MCM9: variants seen among roughly 807,000 people sequenced by gnomAD.
MCM9 encodes DNA helicase MCM9.
A neutral mutation model predicts 72.8 loss-of-function variants in MCM9; 55 were observed. The ratio of observed to expected loss-of-function variants is 0.76; its 90% CI spans 0.61 to 0.95. The LOEUF (loss-of-function observed/expected upper bound fraction) is 0.95, where lower values mean the gene tolerates loss of function less well. Ranked by LOEUF, MCM9 falls within the 40% of genes least tolerant of loss-of-function variation. The pLI is 0.00. For missense variants in MCM9, 1,279 were observed against 1,377.0 expected, an observed-to-expected ratio of 0.93 and a Z score of 1.13; for synonymous variants, 480 against 503.4, an observed-to-expected ratio of 0.95 and a Z score of 0.62.
intron 9 of MCM9, among the ~76,000 whole-genome samples, chr6:118,843,667 T>C (rs368430364): frequency 0.15 from 2,065 of 14,200 alleles, 149 homozygotes; most frequent in Middle Eastern, 0.32. Flanking sequence ...TGTATATATA[T>C]ATGTATGTAT....
At chr6:118,848,019 A>G (rs1470514148) in intron 9 of MCM9, among the ~76,000 whole-genome samples, 1 of 151,926 alleles carries the variant, frequency 6.6e-6, no homozygotes, top group Admixed American at 6.5e-5. Context: ...ATTCAAGACA[A>G]TAATCAGGAG....
chr6:118,828,888 C>T (rs951520000), intron 10 of MCM9, 160 bp downstream of exon 10: 26 of 675,328 alleles, frequency 3.8e-5, no homozygotes, highest in South Asian at 3.6e-4. Flanking sequence ...TCTGAGGCCC[C>T]GTAAGTGGCT....
At chr6:118,905,858 C>A in intron 8 of MCM9, 1 of 1,492,604 alleles carries the variant, frequency 6.7e-7, no homozygotes, top group South Asian at 1.3e-5. Flanking sequence ...TTTTTAACTA[C>A]TTTTACTATG....
chr6:118,837,192 C>T (rs1032249631), intron 9 of MCM9, among the ~76,000 whole-genome samples: 1 of 152,170 alleles, frequency 6.6e-6, no homozygotes, highest in African/African-American at 2.4e-5. Context: ...GTTTCTTAAT[C>T]CTGAGTTCTA....
chr6:118,814,802 T>C lies in MCM9; in HGVS notation c.*22A>G. The C allele has an allele frequency of 2.0e-6, 3 of 1,477,174 alleles. No homozygotes were observed. Among genetic ancestry groups the C allele is most frequent in the Non-Finnish European group, 2.7e-6 (3 of 1,112,852 alleles). The allele number at this position is 1,477,174 out of a possible 1,614,324, so 91.5% of individuals were successfully genotyped here. On this transcript the variant is annotated 3_prime_UTR_variant, in exon 14 of 14. Transcript: ENST00000619706. Reference sequence around the variant, plus strand: ...TCTGTGGAGTTGAAGAAGGTGAGATTTGACCAGAAAGCTTTTCCCAACTAT... The same window carrying C: ...TCTGTGGAGTTGAAGAAGGTGAGATCTGACCAGAAAGCTTTTCCCAACTAT...
At chr6:118,837,625 C>A (rs983787124) in intron 9 of MCM9, among the ~76,000 whole-genome samples, 2 of 152,094 alleles carry the variant, frequency 1.3e-5, no homozygotes, top group African/African-American at 4.8e-5. Context: ...TTATGTAGTA[C>A]CCTTCTTTGC....
chr6:118,903,203 A>G (rs1417042317), intron 8 of MCM9, among the ~76,000 whole-genome samples: 1 of 152,198 alleles, frequency 6.6e-6, no homozygotes, highest in African/African-American at 2.4e-5. Flanking sequence ...GTACTGAACT[A>G]TTATATATTT....
intron 3 of MCM9, among the ~76,000 whole-genome samples, chr6:118,925,413 T>C (rs1043418287): frequency 6.6e-6 from 1 of 152,174 alleles, no homozygotes; most frequent in Non-Finnish European, 1.5e-5. Flanking sequence ...TCCTAGTTGA[T>C]ACATCTATTC....
At chr6:118,922,784 C>A (rs1005462893) in intron 4 of MCM9, among the ~76,000 whole-genome samples, 14 of 152,076 alleles carry the variant, frequency 9.2e-5, no homozygotes, top group African/African-American at 2.4e-4. Context: ...GTAATCCCAG[C>A]ACTTTGGGAG....
chr6:118,933,027 T>C (rs80146899), intron 1 of MCM9, among the ~76,000 whole-genome samples: 9 of 152,272 alleles, frequency 5.9e-5, no homozygotes, highest in Middle Eastern at 6.8e-3. Flanking sequence ...ATGAAAAGTA[T>C]AGTAAAAGGT....
chr6:118,856,873 C>T (rs1489164012), intron 8 of MCM9, among the ~76,000 whole-genome samples: 90 of 151,882 alleles, frequency 5.9e-4, no homozygotes, highest in Non-Finnish European at 1.5e-4. Context: ...AGAGCAAGAT[C>T]TTGTCTTAAA....
At chr6:118,914,503 G>A (rs2114278450) in intron 6 of MCM9, among the ~76,000 whole-genome samples, 1 of 152,224 alleles carries the variant, frequency 6.6e-6, no homozygotes, top group East Asian at 1.9e-4. Flanking sequence ...AAATGGTGAA[G>A]AAAGAAAATC....
chr6:118,859,542 C>G (rs1776776406), intron 8 of MCM9, among the ~76,000 whole-genome samples: 1 of 152,146 alleles, frequency 6.6e-6, no homozygotes, highest in Non-Finnish European at 1.5e-5. Flanking sequence ...AATTCATGAG[C>G]ATAAACTTTT....
chr6:118,925,096 A>G (rs1400918950), intron 3 of MCM9, among the ~76,000 whole-genome samples: 1 of 151,650 alleles, frequency 6.6e-6, no homozygotes, highest in Non-Finnish European at 1.5e-5. Context: ...AGAAAGAGAA[A>G]AAGAGGGGGA....
At chr6:118,854,642 T>C (rs370293722) in intron 9 of MCM9, among the ~76,000 whole-genome samples, 3 of 152,232 alleles carry the variant, frequency 2.0e-5, no homozygotes, top group African/African-American at 2.4e-5. Context: ...CGTGAGCCAT[T>C]GTGCCCAGCC....
At chr6:118,848,978 A>G (rs1209858142) in intron 9 of MCM9, among the ~76,000 whole-genome samples, 1 of 151,936 alleles carries the variant, frequency 6.6e-6, no homozygotes, top group African/African-American at 2.4e-5. Context: ...GTAAGTTTTA[A>G]AAAAATAAAA....
chr6:118,893,989 G>T, intron 8 of MCM9: 1 of 981,370 alleles, frequency 1.0e-6, no homozygotes, highest in South Asian at 4.6e-5. Context: ...CGCCGCCGGC[G>T]GCCTCCGCGC....
At position 118,821,151 on chromosome 6, in the gene MCM9, G is replaced by A. The variant is rs1361694663; in HGVS notation, c.1962-4857C>T. Among the ~76,000 whole-genome samples the A allele has an allele frequency of 2.6e-5, 4 of 152,092 alleles. No homozygotes were observed. In the South Asian group the frequency reaches 8.3e-4, roughly 32 times the overall value. On this transcript the variant is annotated intron_variant, in intron 13 of 13. Transcript: ENST00000619706. ...TAAGGTTAATATTGTTATGTATGAA[G>A]TTGATCCTGTTATCATGATGCTATC...
intron 1 of MCM9, among the ~76,000 whole-genome samples, chr6:118,933,764 T>C (rs9374759): frequency 0.58 from 88,115 of 151,840 alleles, 26,119 homozygotes; most frequent in East Asian, 0.69. Context: ...GAAGTACATA[T>C]AGCAGTTAGG....
Sources: gnomAD v4.1 joint callset for allele counts (sites outside exome capture counted in the v4.1 genomes callset) on GRCh38, gnomAD v4.1.1 for gene constraint, MANE v1.5 for transcripts, NCBI Gene and HGNC (gene_info 2026-07-23, HGNC 2026-07-21) for gene names.